DNAH8: variants seen among roughly 807,000 people sequenced by gnomAD.
The protein encoded by DNAH8 is axonemal beta dynein heavy chain 8.
A neutral mutation model predicts 562.1 loss-of-function variants in DNAH8; 382 were observed. That is an observed-to-expected ratio of 0.68 (90% CI 0.63 to 0.74). The LOEUF is 0.74. Among genes scored for constraint, DNAH8 ranks in the 30% least tolerant of loss-of-function variants. The pLI is 0.00. For missense variants in DNAH8, 5,203 were observed against 5,620.4 expected (o/e 0.93, Z 2.37); for synonymous variants, 1,881 against 1,919.4 (o/e 0.98, Z 0.52).
At position 38,894,832 on chromosome 6, in the gene DNAH8, C is replaced by T; in HGVS notation, c.8715C>T (p.Phe2905=). ...CASIPTLLSL[F]KHECSRVIAD... is the part of the protein sequence containing the mutation. The stretch of plus-strand genomic sequence containing the variant: ...CAATCCCTACTCTCCTGTCCCTTTT[C>T]AAACACGAGTGCAGCAGAGTAATTG... Residue 2905 remains phenylalanine, a synonymous_variant, in exon 59 of 93, where the codon TTC becomes TTT. Transcript: ENST00000327475. 6.2e-7 allele frequency: 1 copy of T among 1,614,054 alleles called. No homozygotes were observed. Among genetic ancestry groups the T allele is most frequent in the East Asian group, 2.2e-5 (1 of 44,834 alleles).
rs1554195443 is a variant in DNAH8 at position 38,734,531 on chromosome 6, T to C, written c.668T>C (p.Ile223Thr). 4 of 1,613,974 alleles carry C rather than the reference T, an allele frequency of 2.5e-6. No individual in the cohort carries two copies. Among genetic ancestry groups the C allele is most frequent in the Middle Eastern group, 3.3e-4 (2 of 6,002 alleles). The change falls in exon 5 of 93, where the codon ATA becomes ACA. Residue 223 changes from isoleucine (I) to threonine (T), a missense_variant. Coordinates refer to ENST00000327475, the MANE Select transcript of DNAH8 (RefSeq NM_001206927.2). ...GGGGCAAAAATGATGAAATTGTATA[T>C]AGACAATGCAGCCCCGGATAAACTA... ...TKGAKMMKLY[I>T]DNAAPDKLKG...
chr6:38,818,231 AT>A lies in DNAH8; in HGVS notation c.3523+2581del, dbSNP rs372534983. Reference sequence around the variant, plus strand: ...ATCCATACAAGAAGATCAGTATCTAATTTTTTTATGTTTAGTCCAATGTTTG... The same window carrying A: ...ATCCATACAAGAAGATCAGTATCTAATTTTTTATGTTTAGTCCAATGTTTG... On this transcript the variant is annotated intron_variant, in intron 26 of 92. Coordinates refer to ENST00000327475, the MANE Select transcript of DNAH8 (RefSeq NM_001206927.2). 1.5e-4 allele frequency among the ~76,000 whole-genome samples: 23 copies of A among 152,112 alleles called. No individual in the cohort carries two copies. The South Asian group carries it at 4.4e-3, about 29-fold the overall frequency.
At chr6:38,981,313 C>T (rs1409353521) in intron 85 of DNAH8, among the ~76,000 whole-genome samples, 2 of 152,106 alleles carry the variant, frequency 1.3e-5, no homozygotes, top group Non-Finnish European at 2.9e-5. Context: ...GTTGTTGGAT[C>T]ATCAATTCTT....
intron 75 of DNAH8, among the ~76,000 whole-genome samples, chr6:38,931,587 C>A (rs1782556223): frequency 6.6e-6 from 1 of 152,058 alleles, no homozygotes; most frequent in Non-Finnish European, 1.5e-5. Flanking sequence ...ATTTGATTTG[C>A]TTGGTATCAT....
chr6:38,834,647 AC>A lies in DNAH8; in HGVS notation c.4365+8del. 6.2e-7 allele frequency: 1 copy of A among 1,604,200 alleles called. No homozygotes were observed. Among genetic ancestry groups the A allele is most frequent in the African/African-American group, 1.3e-5 (1 of 74,660 alleles). ...ACAGGCTACAGATATTTCAGGTGAA[AC>A]CACATTTTTTTTGTTACATCGACAA... On this transcript the variant is annotated splice_region_variant and intron_variant, in intron 32 of 92. Coordinates refer to ENST00000327475, the MANE Select transcript of DNAH8 (RefSeq NM_001206927.2).
At position 38,778,597 on chromosome 6, in the gene DNAH8, A is replaced by G. The variant is rs1322618702; in HGVS notation, c.2039+133A>G. On this transcript the variant is annotated intron_variant, in intron 14 of 92. Coordinates refer to ENST00000327475, the MANE Select transcript of DNAH8 (RefSeq NM_001206927.2). ...AAAACTTACAAACATAAACTTTTCA[A>G]TTACCACTAAATAGACTGGTAAAGA... 4 of 542,590 alleles carry G rather than the reference A, an allele frequency of 7.4e-6. No homozygotes were observed. In the East Asian group the frequency reaches 9.3e-5, roughly 13 times the overall value. The allele number at this position is 542,590 out of a possible 1,614,324, so 33.6% of individuals were successfully genotyped here. A position where few individuals can be genotyped will look rare whatever the true frequency, so the allele number is the denominator to read the frequency against.
intron 9 of DNAH8, among the ~76,000 whole-genome samples, chr6:38,753,518 A>G (rs537737497): frequency 1.3e-5 from 2 of 152,302 alleles, no homozygotes; most frequent in African/African-American, 4.8e-5. Context: ...ATATGGCACA[A>G]CGTTCACGTT....
rs552507430 is a variant in DNAH8, at chr6:38,846,220, A to G, written c.5045+447A>G. On this transcript the variant is annotated intron_variant, in intron 36 of 92. Transcript: ENST00000327475. ...GCAATCTACCCATTAGGGGCTTGGC[A>G]CTTACTTAGAGACTTTCATTTTTTA... Among the ~76,000 whole-genome samples the G allele has an allele frequency of 7.9e-5, 12 of 152,286 alleles. No individual in the cohort carries two copies. In the South Asian group the frequency reaches 2.5e-3, roughly 32 times the overall value.
chr6:38,842,324 A>T, intron 33 of DNAH8, 44 bp from the exon 34 acceptor site: 1 of 1,509,108 alleles, frequency 6.6e-7, no homozygotes, highest in South Asian at 1.3e-5. Context: ...GGACTTTATT[A>T]AATATTATAC....
chr6:38,908,157 A>G (rs1780625262), intron 64 of DNAH8, 37 bp downstream of exon 64: 1 of 1,321,034 alleles, frequency 7.6e-7, no homozygotes, highest in African/African-American at 1.5e-5. Context: ...ACGTAGAAAG[A>G]GTTCCTTATT....
At chr6:38,967,820 A>G (rs1763073036) in intron 82 of DNAH8, among the ~76,000 whole-genome samples, 1 of 152,172 alleles carries the variant, frequency 6.6e-6, no homozygotes, top group South Asian at 2.1e-4. Flanking sequence ...GATAACTAAA[A>G]CAATCTTGAA....
At chr6:39,010,914 G>A (rs1264047645) in intron 89 of DNAH8, among the ~76,000 whole-genome samples, 1 of 151,936 alleles carries the variant, frequency 6.6e-6, no homozygotes, top group Non-Finnish European at 1.5e-5. Flanking sequence ...ACTTGGGATG[G>A]AGATGAGAAT....
chr6:38,885,578 T>C (rs568986138), intron 56 of DNAH8, among the ~76,000 whole-genome samples: 22 of 152,318 alleles, frequency 1.4e-4, no homozygotes, highest in African/African-American at 4.8e-4. Context: ...GATCCAAGAC[T>C]CTACACATTT....
At chr6:38,792,181 G>A (rs1370189349) in intron 21 of DNAH8, among the ~76,000 whole-genome samples, 3 of 151,986 alleles carry the variant, frequency 2.0e-5, no homozygotes, top group Non-Finnish European at 2.9e-5. Context: ...TCTGCCTCCC[G>A]GGTTCAAGTG....
intron 35 of DNAH8, among the ~76,000 whole-genome samples, chr6:38,845,290 G>A (rs951568790): frequency 4.6e-5 from 7 of 152,134 alleles, no homozygotes; most frequent in Admixed American, 6.5e-5. Context: ...TTAGCCAAAA[G>A]TTCGAATTGA....
chr6:38,971,616 A>C lies in DNAH8; in HGVS notation c.12476A>C (p.Gln4159Pro). 6.2e-7 allele frequency: 1 copy of C among 1,600,418 alleles called. No individual in the cohort carries two copies. ...GAATGTAGAACTATCTCAATGGGGC[A>C]AGGACAAGAAGTACATGCTCGAAAG... Reference protein sequence around the residue: ...KLECRTISMGQGQEVHARKLI... With the variant: ...KLECRTISMGPGQEVHARKLI... Residue 4159 changes from glutamine (Q) to proline (P), a missense_variant, in exon 83 of 93, where the codon CAA (glutamine) becomes CCA (proline). Around this residue, in one of 6 missense-constraint regions of DNAH8, gnomAD observed 1,399 missense variants for 1,518.4 expected, o/e 0.92. Coordinates refer to ENST00000327475, the MANE Select transcript of DNAH8 (RefSeq NM_001206927.2).
intron 3 of DNAH8, among the ~76,000 whole-genome samples, chr6:38,729,671 G>C (rs374155192): frequency 6.6e-6 from 1 of 152,162 alleles, no homozygotes; most frequent in African/African-American, 2.4e-5. Context: ...GTGGGGCAGG[G>C]TCAGGTAAGT....
chr6:38,736,375 G>A (rs1350106662), intron 5 of DNAH8, among the ~76,000 whole-genome samples: 2 of 152,104 alleles, frequency 1.3e-5, no homozygotes. Flanking sequence ...GATGCTAGTT[G>A]CCCTTTTCAC....
intron 92 of DNAH8, among the ~76,000 whole-genome samples, chr6:39,029,291 C>T (rs1018916360): frequency 4.6e-5 from 7 of 152,094 alleles, no homozygotes; most frequent in Non-Finnish European, 5.9e-5. Flanking sequence ...TCTTTCCAAA[C>T]ACAGCCCCCT....
Sources: allele counts gnomAD v4.1 joint callset (sites outside exome capture counted in the v4.1 genomes callset), GRCh38; gene constraint gnomAD v4.1.1; regional missense constraint gnomAD v4.1.1; transcripts MANE v1.5; gene names NCBI Gene and HGNC (gene_info 2026-07-23, HGNC 2026-07-21).